Variants in POLK observed in about 807,000 individuals in gnomAD.
POLK encodes DNA polymerase kappa, also known as polymerase (DNA directed) kappa.
In POLK, 76 loss-of-function variants were observed where a neutral mutation model predicts 94.0. That is an observed-to-expected ratio of 0.81 (90% CI 0.67 to 0.98). The LOEUF (loss-of-function observed/expected upper bound fraction) is 0.98, where lower values mean the gene tolerates loss of function less well. Ranked by LOEUF, POLK falls within the 50% of genes least tolerant of loss-of-function variation. The probability of loss-of-function intolerance (pLI) is 0.00; values close to 1 mark genes in which losing one functional copy is unlikely to be tolerated. For missense variants in POLK, 954 were observed against 1,010.1 expected, an observed-to-expected ratio of 0.94 and a Z score of 0.75; for synonymous variants, 349 against 325.4, an observed-to-expected ratio of 1.07 and a Z score of -0.78.
At chr5:75,518,724 T>C (rs1768432120) in intron 1 of POLK, among the ~76,000 whole-genome samples, 1 of 152,208 alleles carries the variant, frequency 6.6e-6, no homozygotes, top group Non-Finnish European at 1.5e-5. Flanking sequence ...TTGAAATCTT[T>C]CTCCTTTTTT....
chr5:75,521,133 T>G (rs1053617001), intron 1 of POLK, among the ~76,000 whole-genome samples: 5 of 152,210 alleles, frequency 3.3e-5, no homozygotes, highest in Non-Finnish European at 7.3e-5. Flanking sequence ...TTCTCTGGCC[T>G]GAATATTGAT....
At chr5:75,592,477 G>T (rs1176415001) in intron 11 of POLK, among the ~76,000 whole-genome samples, 1 of 152,188 alleles carries the variant, frequency 6.6e-6, no homozygotes, top group Non-Finnish European at 1.5e-5. Flanking sequence ...TCTTTGGGAG[G>T]CCAAGGCAGG....
chr5:75,570,887 A>G (rs1286903282), intron 4 of POLK, among the ~76,000 whole-genome samples: 3 of 152,314 alleles, frequency 2.0e-5, no homozygotes, highest in South Asian at 4.1e-4. Flanking sequence ...CTCTGTGAGT[A>G]TGCAGGCAGC....
chr5:75,547,156 A>G, exon 2 of POLK: 1 of 1,526,416 alleles, frequency 6.6e-7, no homozygotes, highest in Non-Finnish European at 8.9e-7. Context: ...GAAGCCACGA[A>G]GGTATGTTTC....
At chr5:75,587,280 G>T (rs1054465039) in intron 10 of POLK, among the ~76,000 whole-genome samples, 1 of 151,998 alleles carries the variant, frequency 6.6e-6, no homozygotes, top group Non-Finnish European at 1.5e-5. Flanking sequence ...TTTAATGTTG[G>T]TTTTAATCCT....
At chr5:75,581,110 A>G in intron 6 of POLK, 99 bp from the exon 7 acceptor site, 2 of 773,110 alleles carry the variant, frequency 2.6e-6, no homozygotes, top group African/African-American at 1.7e-5. Context: ...ACTAAACTAG[A>G]TTTTTGTTTT....
intron 1 of POLK, among the ~76,000 whole-genome samples, chr5:75,520,800 T>A (rs1158509447): frequency 6.6e-6 from 1 of 152,222 alleles, no homozygotes; most frequent in Non-Finnish European, 1.5e-5. Context: ...AAAATGAGTC[T>A]GGTGATGGTG....
downstream of POLK, among the ~76,000 whole-genome samples, chr5:75,603,223 A>ATCTG (rs1473119378): frequency 2.0e-5 from 3 of 152,164 alleles, no homozygotes; most frequent in African/African-American, 7.2e-5. Flanking sequence ...CCAACCCTGT[A>ATCTG]TCTGTTACTG....
rs190229642 is a variant in POLK at position 75,557,549 on chromosome 5, C to A, written c.255+4958C>A. On this transcript the variant is annotated intron_variant, in intron 3 of 14. Transcript: ENST00000241436. Reference sequence around the variant, plus strand: ...ATTATACAGTTGAAAAATTGTAAGTCAAACCATCATAAGTCCAGATATTCC... The same window carrying A: ...ATTATACAGTTGAAAAATTGTAAGTAAAACCATCATAAGTCCAGATATTCC... Among the ~76,000 whole-genome samples, 448 of 152,286 alleles carry A rather than the reference C, an allele frequency of 2.9e-3. 4 individuals carry two copies. The highest frequency in any genetic ancestry group is 0.017 in the Middle Eastern group (5 of 294).
intron 1 of POLK, chr5:75,538,602 G>A (rs1561348105): frequency 6.6e-6 from 1 of 152,106 alleles, no homozygotes; most frequent in Non-Finnish European, 1.5e-5. Context: ...GGTGGTGGGA[G>A]CTTTCTGGTG....
At chr5:75,528,166 TA>T (rs1768964909) in intron 1 of POLK, among the ~76,000 whole-genome samples, 1 of 152,104 alleles carries the variant, frequency 6.6e-6, no homozygotes, top group Non-Finnish European at 1.5e-5. Context: ...CTACTATGTC[TA>T]AAATATATAG....
At chr5:75,572,535 A>G (rs1316087157) in intron 4 of POLK, among the ~76,000 whole-genome samples, 1 of 152,186 alleles carries the variant, frequency 6.6e-6, no homozygotes, top group African/African-American at 2.4e-5. Flanking sequence ...TATACAACTT[A>G]CCATACTATT....
chr5:75,584,872 C>T, exon 9 of POLK: 1 of 1,607,402 alleles, frequency 6.2e-7, no homozygotes, highest in Non-Finnish European at 8.5e-7. Flanking sequence ...TCTGAAACAT[C>T]TTGGCATTAT....
At chr5:75,558,312 T>C (rs1770751706) in intron 3 of POLK, among the ~76,000 whole-genome samples, 2 of 152,178 alleles carry the variant, frequency 1.3e-5, no homozygotes, top group South Asian at 4.1e-4. Context: ...TTTAGTATTT[T>C]TATAGCTCTT....
exon 15 of POLK, chr5:75,597,985 T>C (rs1367221727): frequency 1.4e-6 from 2 of 1,470,646 alleles, no homozygotes; most frequent in East Asian, 5.0e-5. Context: ...AACCAAACAA[T>C]CCCAAACATA....
intron 1 of POLK, among the ~76,000 whole-genome samples, chr5:75,537,831 TTTTG>T (rs1272846009): frequency 1.3e-5 from 2 of 152,102 alleles, no homozygotes; most frequent in African/African-American, 2.4e-5. Flanking sequence ...GCAGTTCAAA[TTTTG>T]TTTTTTTTAT....
At chr5:75,558,870 C>A (rs1770786683) in intron 3 of POLK, among the ~76,000 whole-genome samples, 1 of 152,144 alleles carries the variant, frequency 6.6e-6, no homozygotes, top group African/African-American at 2.4e-5. Context: ...GTGATGCTAA[C>A]AACTGTTAGC....
chr5:75,511,120 G>T, upstream of POLK: 6 of 1,585,536 alleles, frequency 3.8e-6, no homozygotes, highest in Non-Finnish European at 5.1e-6. Flanking sequence ...ACCTTACTGA[G>T]GACCCCGCAG....
chr5:75,511,250 A>C, upstream of POLK: 1 of 1,605,342 alleles, frequency 6.2e-7, no homozygotes, highest in Non-Finnish European at 8.5e-7. Flanking sequence ...CCGCTCCCTC[A>C]GCTGCGCCGG....
Sources: gnomAD v4.1 joint callset for allele counts (sites outside exome capture counted in the v4.1 genomes callset) on GRCh38, gnomAD v4.1.1 for gene constraint, MANE v1.5 for transcripts, NCBI Gene and HGNC (gene_info 2026-07-23, HGNC 2026-07-21) for gene names.